SGCD: variants seen among roughly 807,000 people sequenced by gnomAD.
The protein encoded by SGCD is delta-sarcoglycan.
SGCD carries 18 observed loss-of-function variants against 36.6 expected under a neutral mutation model. The observed-to-expected ratio is 0.49, with a 90% CI of 0.34 to 0.73. The LOEUF (loss-of-function observed/expected upper bound fraction) is 0.73. SGCD is among the 30% of genes least tolerant of loss of function. The pLI is 0.01. For synonymous variants in SGCD, 133 were observed against 130.6 expected, an observed-to-expected ratio of 1.02 and a Z score of -0.12; for missense variants, 387 against 346.7, an observed-to-expected ratio of 1.12 and a Z score of -0.92.
chr5:156,598,220 AC>A (rs1425528653), intron 6 of SGCD, among the ~76,000 whole-genome samples: 1 of 152,108 alleles, frequency 6.6e-6, no homozygotes, highest in African/African-American at 2.4e-5. Flanking sequence ...GTGGAGGGAA[AC>A]CCAGAGACTT....
chr5:155,847,673 G>C, the SGCD span, among the ~76,000 whole-genome samples: 82 of 152,274 alleles, frequency 5.4e-4, no homozygotes, highest in Non-Finnish European at 1.0e-4. Flanking sequence ...CTATTCTACA[G>C]AGAGGAAGCT....
intron 3 of SGCD, among the ~76,000 whole-genome samples, chr5:156,428,060 AG>A (rs1293277148): frequency 6.6e-6 from 1 of 152,164 alleles, no homozygotes; most frequent in African/African-American, 2.4e-5. Flanking sequence ...AGAATGATTT[AG>A]GGAGGGTCCC....
At chr5:155,897,465 A>AT (rs1345015775) in intron 1 of SGCD, among the ~76,000 whole-genome samples, 1 of 152,176 alleles carries the variant, frequency 6.6e-6, no homozygotes, top group Admixed American at 6.5e-5. Flanking sequence ...CTACACTATA[A>AT]TTTTTAAAAC....
chr5:156,435,946 A>C (rs376296766), intron 3 of SGCD, among the ~76,000 whole-genome samples: 5 of 152,106 alleles, frequency 3.3e-5, no homozygotes, highest in African/African-American at 1.2e-4. Context: ...AATTCTATTC[A>C]TCTTTCAGCA....
chr5:155,886,092 G>A, intron 1 of SGCD, among the ~76,000 whole-genome samples: 1 of 152,142 alleles, frequency 6.6e-6, no homozygotes, highest in Non-Finnish European at 1.5e-5. Flanking sequence ...AGCAATATTT[G>A]CATTTGTGCA....
intron 7 of SGCD, among the ~76,000 whole-genome samples, chr5:156,720,208 C>A (rs1246926867): frequency 1.3e-5 from 2 of 151,990 alleles, no homozygotes; most frequent in African/African-American, 2.4e-5. Context: ...TATTGAGCAC[C>A]AATTATGGGG....
the SGCD span, among the ~76,000 whole-genome samples, chr5:155,749,672 C>T: frequency 9.3e-3 from 1,419 of 152,280 alleles, 21 homozygotes; most frequent in African/African-American, 0.032. Flanking sequence ...CGGCTGACTG[C>T]AAGAGATTCC....
At chr5:155,730,780 G>A in the SGCD span, among the ~76,000 whole-genome samples, 2 of 152,346 alleles carry the variant, frequency 1.3e-5, no homozygotes, top group East Asian at 3.9e-4. Context: ...GGAGACCACA[G>A]CTGTTTAGCC....
chr5:156,741,080 A>G (rs572062818), intron 7 of SGCD, among the ~76,000 whole-genome samples: 1 of 152,300 alleles, frequency 6.6e-6, no homozygotes, highest in African/African-American at 2.4e-5. Flanking sequence ...CAGCTACCAC[A>G]TATATTATTT....
chr5:156,308,300 CT>C (rs3043456), intron 3 of SGCD, among the ~76,000 whole-genome samples: 100,386 of 141,268 alleles, frequency 0.71, 35,701 homozygotes, highest in East Asian at 0.91. Context: ...AAGTGCCATA[CT>C]TTTTTTTTTT....
At chr5:156,689,972 T>C (rs1754049541) in intron 7 of SGCD, among the ~76,000 whole-genome samples, 1 of 152,206 alleles carries the variant, frequency 6.6e-6, no homozygotes, top group Non-Finnish European at 1.5e-5. Context: ...TCTTGGTAAA[T>C]AATTCTCAAA....
At chr5:156,592,617 C>T (rs1581221245) in intron 5 of SGCD, among the ~76,000 whole-genome samples, 1 of 152,218 alleles carries the variant, frequency 6.6e-6, no homozygotes, top group East Asian at 1.9e-4. Context: ...CCCTTTCCTT[C>T]TGTGGAATAA....
intron 1 of SGCD, among the ~76,000 whole-genome samples, chr5:155,985,304 C>G (rs1442742319): frequency 6.6e-6 from 1 of 152,134 alleles, no homozygotes; most frequent in East Asian, 1.9e-4. Context: ...GGCCTCAATT[C>G]TATGTGCTTT....
At chr5:156,544,756 A>G (rs1318262970) in intron 4 of SGCD, among the ~76,000 whole-genome samples, 1 of 152,208 alleles carries the variant, frequency 6.6e-6, no homozygotes, top group African/African-American at 2.4e-5. Context: ...GTATGTACAC[A>G]AATAGTAGCA....
intron 4 of SGCD, among the ~76,000 whole-genome samples, chr5:156,543,275 G>A (rs545587461): frequency 2.0e-4 from 31 of 152,272 alleles, no homozygotes; most frequent in African/African-American, 7.2e-4. Context: ...TTAAAATAAA[G>A]TCTGCCTGAT....
intron 3 of SGCD, among the ~76,000 whole-genome samples, chr5:156,206,240 C>A (rs1477090691): frequency 4.0e-5 from 6 of 151,776 alleles, no homozygotes; most frequent in Admixed American, 3.9e-4. Context: ...TGTGTACGTA[C>A]AGTGGTGTGT....
At chr5:156,241,251 C>T (rs1231258757) in intron 3 of SGCD, among the ~76,000 whole-genome samples, 2 of 145,060 alleles carry the variant, frequency 1.4e-5, no homozygotes, top group African/African-American at 2.6e-5. Flanking sequence ...TAGACCAAAA[C>T]GTGTGTGTGT....
chr5:156,504,383 T>G lies in SGCD; in HGVS notation c.193-4218T>G, dbSNP rs1050260862. On this transcript the variant is annotated intron_variant, in intron 3 of 8. Coordinates refer to ENST00000337851, the MANE Select transcript of SGCD (RefSeq NM_000337.6). The stretch of plus-strand genomic sequence containing the variant: ...TTATATGTACATGAGTATATGTGGG[T>G]GTGTGTGTGTATATATATATATATA... 2.9e-4 allele frequency among the ~76,000 whole-genome samples: 36 copies of G among 126,134 alleles called. 1 individual carries two copies. Among genetic ancestry groups the G allele is most frequent in the Admixed American group, 2.3e-3 (30 of 12,938 alleles). The allele number at this position is 126,134 out of a possible 152,430, so 82.7% of individuals were successfully genotyped here. A position where few individuals can be genotyped will look rare whatever the true frequency, so the allele number is the denominator to read the frequency against.
At chr5:156,226,587 G>A (rs1764865680) in intron 3 of SGCD, among the ~76,000 whole-genome samples, 1 of 152,074 alleles carries the variant, frequency 6.6e-6, no homozygotes, top group African/African-American at 2.4e-5. Context: ...ATACCAAGTA[G>A]GCAGATTGCT....
Sources: gnomAD v4.1 joint callset for allele counts (sites outside exome capture counted in the v4.1 genomes callset) on GRCh38, gnomAD v4.1.1 for gene constraint, MANE v1.5 for transcripts, NCBI Gene and HGNC (gene_info 2026-07-23, HGNC 2026-07-21) for gene names.